The following NELL2 variants were observed in gnomAD, a reference collection of about 807,000 sequenced individuals.
NELL2 encodes the protein neural EGFL like 2.
Under a neutral mutation model 109.6 loss-of-function variants are expected in NELL2, and 41 were observed. The observed-to-expected ratio is 0.37, with a 90% CI of 0.29 to 0.49. The LOEUF is 0.49. Ranked by LOEUF, NELL2 falls within the 20% of genes least tolerant of loss-of-function variation. The probability of loss-of-function intolerance (pLI) is 0.98; values close to 1 mark genes in which losing one functional copy is unlikely to be tolerated. For synonymous variants in NELL2, 355 were observed against 344.7 expected (o/e 1.03, Z -0.33); for missense variants, 900 against 1,008.3 (o/e 0.89, Z 1.45).
chr12:44,877,165 A>G (rs1283749776), upstream of NELL2: 2 of 152,968 alleles, frequency 1.3e-5, no homozygotes, highest in Non-Finnish European at 2.9e-5. Context: ...AGAGAGAGAG[A>G]GAAATAAATA....
At chr12:44,777,748 G>C (rs890573572) in intron 5 of NELL2, among the ~76,000 whole-genome samples, 5 of 152,162 alleles carry the variant, frequency 3.3e-5, no homozygotes, top group Middle Eastern at 3.2e-3. Context: ...AGTCATGAAA[G>C]CATGCTCATT....
chr12:44,705,604 T>C (rs1937830834), intron 11 of NELL2, among the ~76,000 whole-genome samples: 1 of 152,214 alleles, frequency 6.6e-6, no homozygotes, highest in African/African-American at 2.4e-5. Flanking sequence ...GCTGTCTTTT[T>C]ATAATGCCTG....
At chr12:44,542,834 G>C (rs993891346) in intron 15 of NELL2, among the ~76,000 whole-genome samples, 3 of 152,132 alleles carry the variant, frequency 2.0e-5, no homozygotes, top group Non-Finnish European at 4.4e-5. Flanking sequence ...GGGAAGTAAA[G>C]AATGCTTCAT....
intron 15 of NELL2, among the ~76,000 whole-genome samples, chr12:44,567,370 A>G (rs559567616): frequency 6.6e-6 from 1 of 152,362 alleles, no homozygotes; most frequent in South Asian, 2.1e-4. Flanking sequence ...AAGGAGATAC[A>G]TATACTTAAC....
intron 12 of NELL2, among the ~76,000 whole-genome samples, chr12:44,678,043 A>T (rs143451350): frequency 2.8e-4 from 42 of 152,214 alleles, no homozygotes; most frequent in Non-Finnish European, 5.0e-4. Flanking sequence ...GGTGTTAGAC[A>T]GTATCACACA....
chr12:44,587,304 TA>T (rs1389112052), intron 15 of NELL2, among the ~76,000 whole-genome samples: 27 of 115,886 alleles, frequency 2.3e-4, no homozygotes, highest in African/African-American at 8.6e-4. Flanking sequence ...TATATATATA[TA>T]TATTTTTTTT....
intron 19 of NELL2, among the ~76,000 whole-genome samples, chr12:44,515,772 AT>A (rs1199539197): frequency 2.0e-5 from 3 of 151,884 alleles, no homozygotes; most frequent in African/African-American, 7.2e-5. Context: ...AGACCCTGCT[AT>A]TTTTGGCTAT....
chr12:44,823,333 A>G (rs544276915), intron 2 of NELL2, among the ~76,000 whole-genome samples: 1 of 152,288 alleles, frequency 6.6e-6, no homozygotes, highest in Admixed American at 6.5e-5. Flanking sequence ...TGTACATTAG[A>G]TTTCCAGAAC....
At chr12:44,757,936 T>C (rs1397686114) in intron 9 of NELL2, among the ~76,000 whole-genome samples, 1 of 152,052 alleles carries the variant, frequency 6.6e-6, no homozygotes, top group African/African-American at 2.4e-5. Context: ...GGGAACTGGG[T>C]TGAAAAAGCA....
At chr12:44,878,076 T>G (rs962506885), upstream of NELL2, among the ~76,000 whole-genome samples, 1 of 152,164 alleles carries the variant, frequency 6.6e-6, no homozygotes, top group Non-Finnish European at 1.5e-5. Context: ...AATATACATA[T>G]GCACATATAT....
At chr12:44,780,853 T>C (rs1941932674) in intron 3 of NELL2, among the ~76,000 whole-genome samples, 1 of 152,098 alleles carries the variant, frequency 6.6e-6, no homozygotes, top group South Asian at 2.1e-4. Context: ...GTGGGGAATC[T>C]AGACTTCTAC....
intron 15 of NELL2, among the ~76,000 whole-genome samples, chr12:44,578,990 C>A (rs932222234): frequency 1.3e-5 from 2 of 152,042 alleles, no homozygotes; most frequent in Non-Finnish European, 2.9e-5. Context: ...GTTTGTTTTG[C>A]ATTACTTTAT....
chr12:44,572,965 A>G (rs1293316976), intron 15 of NELL2, among the ~76,000 whole-genome samples: 1 of 152,236 alleles, frequency 6.6e-6, no homozygotes, highest in Non-Finnish European at 1.5e-5. Flanking sequence ...AAACAGAGGC[A>G]TGCACAGCAG....
chr12:44,537,179 G>A (rs565571048), intron 15 of NELL2, among the ~76,000 whole-genome samples: 1 of 152,034 alleles, frequency 6.6e-6, no homozygotes, highest in African/African-American at 2.4e-5. Context: ...AACTGACAAT[G>A]GCTTTTGCCA....
chr12:44,611,752 G>A (rs1289602819), intron 13 of NELL2, among the ~76,000 whole-genome samples: 1 of 151,974 alleles, frequency 6.6e-6, no homozygotes, highest in Non-Finnish European at 1.5e-5. Context: ...TAAGTAGCCT[G>A]CCCAAGTTCA....
At chr12:44,728,797 C>T (rs1335144148) in intron 9 of NELL2, among the ~76,000 whole-genome samples, 2 of 152,102 alleles carry the variant, frequency 1.3e-5, no homozygotes, top group Non-Finnish European at 2.9e-5. Context: ...ATCAATGGAA[C>T]CATTGCAGGC....
intron 9 of NELL2, among the ~76,000 whole-genome samples, chr12:44,743,826 CT>C (rs1450953681): frequency 6.6e-6 from 1 of 152,162 alleles, no homozygotes. Flanking sequence ...TACAAAGAGA[CT>C]TAGACTCCCA....
intron 15 of NELL2, among the ~76,000 whole-genome samples, chr12:44,581,962 T>C (rs1200668075): frequency 1.3e-5 from 2 of 152,298 alleles, no homozygotes; most frequent in Middle Eastern, 6.8e-3. Context: ...ATAGACACAA[T>C]AGAATGCCAG....
intron 13 of NELL2, among the ~76,000 whole-genome samples, chr12:44,611,427 T>C (rs1275503461): frequency 6.6e-6 from 1 of 152,048 alleles, no homozygotes; most frequent in Non-Finnish European, 1.5e-5. Context: ...GTGCCTGCCG[T>C]TAACACCTGC....
Sources: gnomAD v4.1 joint callset for allele counts (sites outside exome capture counted in the v4.1 genomes callset) on GRCh38, gnomAD v4.1.1 for gene constraint, MANE v1.5 for transcripts, NCBI Gene and HGNC (gene_info 2026-07-23, HGNC 2026-07-21) for gene names.